The following PTPN4 variants were observed in gnomAD, a reference collection of about 807,000 sequenced individuals.
PTPN4 encodes the protein tyrosine-protein phosphatase non-receptor type 4.
In PTPN4, 49 loss-of-function variants were observed where a neutral mutation model predicts 135.5. The ratio of observed to expected loss-of-function variants is 0.36; its 90% CI spans 0.29 to 0.46. The LOEUF is 0.46. PTPN4 is among the 20% of genes least tolerant of loss of function. The pLI is 1.00. For synonymous variants in PTPN4, 333 were observed against 369.9 expected (o/e 0.90, Z 1.14); for missense variants, 860 against 1,101.0 (o/e 0.78, Z 3.10).
intron 10 of PTPN4, among the ~76,000 whole-genome samples, chr2:119,901,509 TA>T (rs1376714498): frequency 6.6e-6 from 1 of 152,174 alleles, no homozygotes; most frequent in African/African-American, 2.4e-5. Context: ...CAGGTCTACA[TA>T]AAACTTCACA....
At chr2:119,901,999 G>A (rs1483652248) in intron 10 of PTPN4, among the ~76,000 whole-genome samples, 1 of 152,140 alleles carries the variant, frequency 6.6e-6, no homozygotes, top group African/African-American at 2.4e-5. Context: ...GAGAAGATCA[G>A]AAGAAATAAA....
rs1325018783 is a variant in PTPN4 at position 119,945,775 on chromosome 2, G to C, written c.1515+535G>C. Among the ~76,000 whole-genome samples, 6 of 152,030 alleles carry C rather than the reference G, an allele frequency of 3.9e-5. 1 individual carries two copies. The highest frequency in any genetic ancestry group is 7.4e-5 in the Non-Finnish European group (5 of 67,948). Reference sequence around the variant, plus strand: ...CTAGGCTTTGGAGGATGGCAGGTGGGAAAATGGGGAACGACTGCTAATGGA... The same window carrying C: ...CTAGGCTTTGGAGGATGGCAGGTGGCAAAATGGGGAACGACTGCTAATGGA... On this transcript the variant is annotated intron_variant, in intron 16 of 26. Coordinates refer to ENST00000263708, the MANE Select transcript of PTPN4 (RefSeq NM_002830.4).
At chr2:119,829,201 C>T (rs1677185933) in intron 2 of PTPN4, among the ~76,000 whole-genome samples, 1 of 152,010 alleles carries the variant, frequency 6.6e-6, no homozygotes, top group Admixed American at 6.6e-5. Context: ...CAGCTTTTTA[C>T]TTTGTGTGTT....
intron 2 of PTPN4, among the ~76,000 whole-genome samples, chr2:119,821,929 G>A (rs571602896): frequency 6.6e-6 from 1 of 151,866 alleles, no homozygotes; most frequent in South Asian, 2.1e-4. Context: ...ATTCCTGATT[G>A]TTTATGTATG....
intron 1 of PTPN4, among the ~76,000 whole-genome samples, chr2:119,766,447 C>CAT (rs1690623257): frequency 1.6e-5 from 1 of 63,032 alleles, no homozygotes. Context: ...CGCATGTGCG[C>CAT]GCGTGTGTGT....
intron 1 of PTPN4, among the ~76,000 whole-genome samples, chr2:119,763,666 A>G (rs891255315): frequency 1.3e-4 from 20 of 152,300 alleles, no homozygotes; most frequent in African/African-American, 4.6e-4. Flanking sequence ...ACTTTATTGA[A>G]GTATAATTGA....
intron 24 of PTPN4, 93 bp from the exon 25 acceptor site, chr2:119,965,404 C>T (rs1679432121): frequency 8.2e-7 from 1 of 1,220,548 alleles, no homozygotes. Context: ...TTCTATCTCC[C>T]CCTCCCTTCT....
chr2:119,763,462 A>G (rs1374126995), intron 1 of PTPN4, among the ~76,000 whole-genome samples: 1 of 152,124 alleles, frequency 6.6e-6, no homozygotes, highest in Non-Finnish European at 1.5e-5. Context: ...ATGTTGTCCC[A>G]CTCACCAAGT....
intron 19 of PTPN4, among the ~76,000 whole-genome samples, chr2:119,954,187 C>G (rs1013488413): frequency 2.0e-5 from 3 of 151,896 alleles, no homozygotes; most frequent in Non-Finnish European, 4.4e-5. Flanking sequence ...ATTTATTTTT[C>G]TAAAAAAATG....
chr2:119,825,639 A>T (rs1209958144), intron 2 of PTPN4, among the ~76,000 whole-genome samples: 2 of 151,628 alleles, frequency 1.3e-5, no homozygotes, highest in African/African-American at 2.4e-5. Flanking sequence ...AGGATTACAG[A>T]TGCCTGCCAC....
At chr2:119,766,846 A>T (rs1235676599) in intron 1 of PTPN4, among the ~76,000 whole-genome samples, 1 of 152,170 alleles carries the variant, frequency 6.6e-6, no homozygotes, top group Non-Finnish European at 1.5e-5. Context: ...GTCCATTTGG[A>T]CATGGGGGGA....
At chr2:119,880,814 T>G (rs1678060556) in intron 5 of PTPN4, among the ~76,000 whole-genome samples, 1 of 152,122 alleles carries the variant, frequency 6.6e-6, no homozygotes, top group Non-Finnish European at 1.5e-5. Context: ...AAGTTATATA[T>G]GAAGCCAGGA....
At chr2:119,924,276 GT>G (rs966735886) in intron 12 of PTPN4, among the ~76,000 whole-genome samples, 22 of 151,482 alleles carry the variant, frequency 1.5e-4, no homozygotes, top group Non-Finnish European at 2.5e-4. Flanking sequence ...ATGAATGGCA[GT>G]CTTTTTTATC....
At chr2:119,923,877 C>T (rs1443947751) in intron 12 of PTPN4, among the ~76,000 whole-genome samples, 1 of 152,084 alleles carries the variant, frequency 6.6e-6, no homozygotes, top group East Asian at 1.9e-4. Context: ...GTGGCTCACG[C>T]CTGTAATCCC....
chr2:119,801,902 T>G (rs997403723), intron 1 of PTPN4, among the ~76,000 whole-genome samples: 5 of 129,190 alleles, frequency 3.9e-5, no homozygotes, highest in African/African-American at 9.7e-5. Context: ...TTCTTTCCGT[T>G]TTTTTTTTTT....
At chr2:119,922,368 A>G (rs1356396458) in intron 12 of PTPN4, among the ~76,000 whole-genome samples, 2 of 152,174 alleles carry the variant, frequency 1.3e-5, no homozygotes, top group Non-Finnish European at 2.9e-5. Flanking sequence ...ATTAAATGGG[A>G]TATGTACATT....
intron 24 of PTPN4, 58 bp from the exon 25 acceptor site, chr2:119,965,439 G>A: frequency 4.0e-6 from 6 of 1,483,676 alleles, no homozygotes; most frequent in South Asian, 3.9e-5. Context: ...TATGAGGTTT[G>A]TAGGGACAAT....
chr2:119,933,556 T>A (rs928934354), intron 14 of PTPN4, among the ~76,000 whole-genome samples: 1 of 150,864 alleles, frequency 6.6e-6, no homozygotes. Context: ...GGCGTGCACC[T>A]GTCAGGGGGG....
At chr2:119,811,068 C>T (rs1413797094) in intron 2 of PTPN4, among the ~76,000 whole-genome samples, 5 of 150,402 alleles carry the variant, frequency 3.3e-5, no homozygotes, top group African/African-American at 1.2e-4. Context: ...AATCTTACAC[C>T]GGGGCCAGTC....
Sources: gnomAD v4.1 joint callset for allele counts (sites outside exome capture counted in the v4.1 genomes callset) on GRCh38, gnomAD v4.1.1 for gene constraint, MANE v1.5 for transcripts, NCBI Gene and HGNC (gene_info 2026-07-23, HGNC 2026-07-21) for gene names.